PLXNA1: variants seen among roughly 807,000 people sequenced by gnomAD.
PLXNA1 encodes the protein plexin-A1.
Under a neutral mutation model 191.7 loss-of-function variants are expected in PLXNA1, and 77 were observed. The ratio of observed to expected loss-of-function variants is 0.40; its 90% CI spans 0.33 to 0.49. The LOEUF (loss-of-function observed/expected upper bound fraction) is 0.49, where lower values mean the gene tolerates loss of function less well. Ranked by LOEUF, PLXNA1 falls within the 20% of genes least tolerant of loss-of-function variation. The pLI, the probability that PLXNA1 is intolerant of heterozygous loss-of-function variation, is 0.63. For missense variants in PLXNA1, 2,110 were observed against 2,660.2 expected (o/e 0.79, Z 4.55); for synonymous variants, 1,137 against 1,156.4 (o/e 0.98, Z 0.34).
At chr3:127,026,325 C>G (rs2079176300) in intron 23 of PLXNA1, 1 of 152,224 alleles carries the variant, frequency 6.6e-6, no homozygotes, top group South Asian at 2.1e-4. Flanking sequence ...GTACACCTGG[C>G]TTGTATGGGG....
intron 4 of PLXNA1, among the ~76,000 whole-genome samples, chr3:127,004,298 G>A (rs2079054982): frequency 6.6e-6 from 1 of 152,230 alleles, no homozygotes; most frequent in Admixed American, 6.5e-5. Context: ...TGATCGCTGG[G>A]GAAGCTCAGA....
rs1318007998 is a variant in PLXNA1 at position 127,036,092 on chromosome 3, A to T, written c.*2075A>T. 2 of 152,576 alleles carry T rather than the reference A, an allele frequency of 1.3e-5. No individual in the cohort carries two copies. Among genetic ancestry groups the T allele is most frequent in the Non-Finnish European group, 2.9e-5 (2 of 68,100 alleles). 9.5% of individuals were successfully genotyped at this position (152,576 alleles called of 1,614,324 possible). Reference sequence around the variant, plus strand: ...TCAGTAGCCCCTAGCATTGGCTGGGATTCCTGTTCCTGGGTGCGCCTCCAC... The same window carrying T: ...TCAGTAGCCCCTAGCATTGGCTGGGTTTCCTGTTCCTGGGTGCGCCTCCAC... On this transcript the variant is annotated 3_prime_UTR_variant, in exon 32 of 32. Transcript: ENST00000393409.
At chr3:127,000,411 G>A (rs1036766813) in intron 3 of PLXNA1, among the ~76,000 whole-genome samples, 1 of 152,190 alleles carries the variant, frequency 6.6e-6, no homozygotes, top group Non-Finnish European at 1.5e-5. Flanking sequence ...TGTGGCCAGG[G>A]TGTGGGCGTC....
chr3:127,007,339 G>T (rs955477754), intron 8 of PLXNA1, among the ~76,000 whole-genome samples: 2 of 152,246 alleles, frequency 1.3e-5, no homozygotes, highest in African/African-American at 4.8e-5. Context: ...CCTGCTTTCT[G>T]CAGGGAGGTG....
chr3:126,995,273 C>G (rs966677274), intron 3 of PLXNA1, among the ~76,000 whole-genome samples: 1 of 152,194 alleles, frequency 6.6e-6, no homozygotes, highest in Non-Finnish European at 1.5e-5. Context: ...GGGTGCCTCT[C>G]TCAGCGAACT....
In PLXNA1 at chr3:127,017,658, C is replaced by A. The variant is rs571589207; in HGVS notation, c.3510C>A (p.Ile1170=). ...LLELKPSSPL[I]LKGRNLLPPA... is the part of the protein sequence containing the mutation. ...AGCTGAAGCCCAGCTCCCCACTCAT[C>A]CTCAAGGTGGGTCACCATTGCCCGT... The change falls in exon 18 of 32, where the codon ATC becomes ATA. Residue 1170 remains isoleucine (I), a synonymous_variant. Coordinates refer to ENST00000393409, the MANE Select transcript of PLXNA1 (RefSeq NM_032242.4). 2.5e-6 allele frequency: 4 copies of A among 1,613,432 alleles called. No homozygotes were observed. Among genetic ancestry groups the A allele is most frequent in the Non-Finnish European group, 3.4e-6 (4 of 1,179,992 alleles).
chr3:126,987,286 T>G (rs2078963552), intron 1 of PLXNA1, among the ~76,000 whole-genome samples: 1 of 152,102 alleles, frequency 6.6e-6, no homozygotes, highest in Non-Finnish European at 1.5e-5. Context: ...AGGCAGGGTG[T>G]GGTGAGACTT....
chr3:126,988,461 C>G, intron 1 of PLXNA1, 60 bp from the exon 2 acceptor site: 1 of 828,942 alleles, frequency 1.2e-6, no homozygotes, highest in Non-Finnish European at 1.8e-6. Flanking sequence ...ACTGGGAGAT[C>G]ATAATATCAT....
chr3:127,023,002 T>C (rs1576688094), intron 23 of PLXNA1, among the ~76,000 whole-genome samples, 184 bp downstream of exon 23: 1 of 152,148 alleles, frequency 6.6e-6, no homozygotes, highest in East Asian at 1.9e-4. Flanking sequence ...CCCGGCTCCC[T>C]CCTCCCTCCT....
intron 3 of PLXNA1, among the ~76,000 whole-genome samples, chr3:126,993,237 G>A (rs777537760): frequency 3.3e-5 from 5 of 152,186 alleles, no homozygotes; most frequent in Non-Finnish European, 7.3e-5. Flanking sequence ...TGCAGAGTTG[G>A]GCTTGGGCCC....
intron 29 of PLXNA1, among the ~76,000 whole-genome samples, chr3:127,030,750 G>A (rs868123217): frequency 6.6e-6 from 1 of 152,180 alleles, no homozygotes. Flanking sequence ...GCCCCAAGCC[G>A]GCTGGTTGCA....
intron 23 of PLXNA1, among the ~76,000 whole-genome samples, chr3:127,024,664 T>A (rs967594138): frequency 6.6e-6 from 1 of 151,990 alleles, no homozygotes; most frequent in Admixed American, 6.6e-5. Context: ...AGCTGTTAGA[T>A]CTCCTTAGGT....
chr3:126,997,415 G>A (rs914477649), intron 3 of PLXNA1, among the ~76,000 whole-genome samples: 2 of 152,190 alleles, frequency 1.3e-5, no homozygotes, highest in African/African-American at 4.8e-5. Flanking sequence ...TGAGGCAGGT[G>A]CTCTGGGGCA....
intron 3 of PLXNA1, among the ~76,000 whole-genome samples, chr3:126,993,927 G>T (rs1407361064): frequency 6.6e-6 from 1 of 152,230 alleles, no homozygotes; most frequent in Non-Finnish European, 1.5e-5. Flanking sequence ...TCATGCAAAT[G>T]CTGCATGTCA....
chr3:127,032,906 GC>G, intron 31 of PLXNA1, 70 bp downstream of exon 31: 2 of 1,470,914 alleles, frequency 1.4e-6, no homozygotes, highest in Non-Finnish European at 9.2e-7. Context: ...CACCTGCTCT[GC>G]CCCGCCCTGC....
chr3:127,015,927 G>C (rs1366486421), intron 15 of PLXNA1, among the ~76,000 whole-genome samples: 1 of 152,184 alleles, frequency 6.6e-6, no homozygotes, highest in Non-Finnish European at 1.5e-5. Flanking sequence ...GGGATGCGGG[G>C]ATAGGGCGAG....
rs759267125 is a variant in PLXNA1, at chr3:127,005,184, G to T, written c.1838G>T (p.Gly613Val). ...GAATCTGAGAGCGTCCTGGAGGATG[G>T]CCGGATCCACTGCCGCTCACCCTCC... ...FTESESVLED[G>V]RIHCRSPSAR... Residue 613 changes from glycine (G) to valine (V), a missense_variant, in exon 7 of 32, where the codon GGC (glycine) becomes GTC (valine). Gly to Val is a moderately radical substitution (Grantham distance 109, BLOSUM62 -3). Around this residue, in one of 4 missense-constraint regions of PLXNA1, gnomAD observed 903 missense variants for 1,015.7 expected, o/e 0.89. Transcript: ENST00000393409. The T allele has an allele frequency of 6.2e-6, 10 of 1,612,240 alleles. No individual in the cohort carries two copies. Among genetic ancestry groups the T allele is most frequent in the African/African-American group, 4.0e-5 (3 of 74,936 alleles).
At chr3:127,004,100 T>A (rs542466231) in intron 4 of PLXNA1, among the ~76,000 whole-genome samples, 9 of 152,338 alleles carry the variant, frequency 5.9e-5, no homozygotes, top group Non-Finnish European at 1.3e-4. Context: ...TCTGGCTGGC[T>A]CGTTTTTCCT....
At position 127,017,756 on chromosome 3, in the gene PLXNA1, A is replaced by G; in HGVS notation, c.3524A>G (p.Asn1175Ser). ...CACCCCCATCTCCTACAGGGCCGGAACCTCTTGCCACCTGCACCCGGCAAC... is the reference window on the plus strand; with the variant it reads ...CACCCCCATCTCCTACAGGGCCGGAGCCTCTTGCCACCTGCACCCGGCAAC... ...PSSPLILKGR[N>S]LLPPAPGNSR... The change falls in exon 19 of 32, where the codon AAC becomes AGC. Residue 1175 changes from asparagine to serine, a missense_variant. Physicochemically the swap from Asn to Ser is conservative, Grantham distance 46. Transcript: ENST00000393409. 6.2e-7 allele frequency: 1 copy of G among 1,612,874 alleles called. No individual in the cohort carries two copies. The highest frequency in any genetic ancestry group is 8.5e-7 in the Non-Finnish European group (1 of 1,179,920).
Sources: allele counts gnomAD v4.1 joint callset (sites outside exome capture counted in the v4.1 genomes callset), GRCh38; gene constraint gnomAD v4.1.1; regional missense constraint gnomAD v4.1.1; transcripts MANE v1.5; gene names NCBI Gene and HGNC (gene_info 2026-07-23, HGNC 2026-07-21).